PACS1: variants seen among roughly 807,000 people sequenced by gnomAD.
PACS1 encodes PACS-1.
A neutral mutation model predicts 115.0 loss-of-function variants in PACS1; 24 were observed. The ratio of observed to expected loss-of-function variants is 0.21; its 90% CI spans 0.15 to 0.29. The LOEUF is 0.29. PACS1 is among the 10% of genes least tolerant of loss of function. The pLI, the probability that PACS1 is intolerant of heterozygous loss-of-function variation, is 1.00. For synonymous variants in PACS1, 453 were observed against 504.5 expected (o/e 0.90, Z 1.37); for missense variants, 838 against 1,251.2 (o/e 0.67, Z 4.98).
intron 1 of PACS1, among the ~76,000 whole-genome samples, chr11:66,155,471 T>A (rs567651961): frequency 1.8e-4 from 27 of 152,256 alleles, no homozygotes; most frequent in African/African-American, 6.5e-4. Context: ...GATAAAACAG[T>A]GGCCAGGAGC....
chr11:66,173,696 C>T (rs186139093), intron 1 of PACS1, among the ~76,000 whole-genome samples: 41 of 151,626 alleles, frequency 2.7e-4, no homozygotes, highest in East Asian at 1.6e-3. Flanking sequence ...GGCGACAGAG[C>T]GAAACTCCAT....
At chr11:66,072,846 G>A (rs1401304495) in intron 1 of PACS1, among the ~76,000 whole-genome samples, 1 of 152,188 alleles carries the variant, frequency 6.6e-6, no homozygotes, top group Non-Finnish European at 1.5e-5. Context: ...GAAAAGGCGC[G>A]AGCCTACTGG....
chr11:66,126,455 T>G (rs1858573271), intron 1 of PACS1, among the ~76,000 whole-genome samples: 1 of 152,208 alleles, frequency 6.6e-6, no homozygotes, highest in South Asian at 2.1e-4. Flanking sequence ...TAGAATCAGC[T>G]ATTGAACTGG....
chr11:66,172,235 T>G (rs574181714), intron 1 of PACS1, among the ~76,000 whole-genome samples: 111 of 152,336 alleles, frequency 7.3e-4, no homozygotes, highest in Non-Finnish European at 1.3e-3. Flanking sequence ...TTAAGACACT[T>G]CATGAAATGT....
chr11:66,087,132 C>G (rs559745488), intron 1 of PACS1, among the ~76,000 whole-genome samples: 1 of 152,118 alleles, frequency 6.6e-6, no homozygotes, highest in African/African-American at 2.4e-5. Flanking sequence ...TACCACCCCT[C>G]CCACTCCACC....
chr11:66,120,170 CAG>C (rs1858406405), intron 1 of PACS1, among the ~76,000 whole-genome samples: 1 of 116,852 alleles, frequency 8.6e-6, no homozygotes, highest in East Asian at 2.6e-4. Context: ...TTTTTTGAGA[CAG>C]AGTCTCGCTC....
intron 1 of PACS1, among the ~76,000 whole-genome samples, chr11:66,078,934 G>A (rs1011272504): frequency 3.9e-5 from 6 of 152,158 alleles, no homozygotes; most frequent in African/African-American, 1.4e-4. Context: ...TTGAGACAGA[G>A]TCTTGCTCTC....
At chr11:66,229,211 C>CAAAA (rs386374029) in intron 11 of PACS1, among the ~76,000 whole-genome samples, 17 of 62,932 alleles carry the variant, frequency 2.7e-4, no homozygotes, top group East Asian at 4.9e-4. Flanking sequence ...CCCGTCTCTA[C>CAAAA]AAAAAAAAAA....
intron 2 of PACS1, among the ~76,000 whole-genome samples, chr11:66,197,708 C>T (rs1854680580): frequency 6.6e-6 from 1 of 152,154 alleles, no homozygotes; most frequent in Non-Finnish European, 1.5e-5. Context: ...AGGAGGATTG[C>T]CTAAGCCCAG....
rs374871647 is a variant in PACS1 at position 66,196,343 on chromosome 11, G to A, written c.444+2770G>A. Among the ~76,000 whole-genome samples the A allele has an allele frequency of 2.2e-4, 33 of 152,342 alleles. No homozygotes were observed. In the South Asian group the frequency reaches 6.8e-3, roughly 32 times the overall value. On this transcript the variant is annotated intron_variant, in intron 2 of 23. Coordinates refer to ENST00000320580, the MANE Select transcript of PACS1 (RefSeq NM_018026.4). ...TTTTTCATATTTTGTGTGATGAGAT[G>A]GGACGTGTACACTGAGCACTTCTGC...
rs1859654255 is a variant in PACS1 at position 66,168,315 on chromosome 11, T to C, written c.357-25171T>C. 2.0e-5 allele frequency among the ~76,000 whole-genome samples: 3 copies of C among 150,862 alleles called. 1 individual carries two copies. Among genetic ancestry groups the C allele is most frequent in the South Asian group, 4.1e-4 (2 of 4,828 alleles). ...TGGAGGAGAATCAACGTATCAATGC[T>C]AGAGTGTCTCTTGTGCATGAACATG... On this transcript the variant is annotated intron_variant, in intron 1 of 23. Coordinates refer to ENST00000320580, the MANE Select transcript of PACS1 (RefSeq NM_018026.4).
intron 17 of PACS1, 24 bp downstream of exon 17, chr11:66,234,266 T>C (rs372061012): frequency 9.8e-6 from 15 of 1,526,598 alleles, no homozygotes; most frequent in Non-Finnish European, 1.3e-5. Flanking sequence ...GTAAGGAGCT[T>C]ACTCCCACCC....
intron 17 of PACS1, among the ~76,000 whole-genome samples, 198 bp downstream of exon 17, chr11:66,234,440 A>G (rs955003589): frequency 2.0e-5 from 3 of 152,218 alleles, no homozygotes; most frequent in Non-Finnish European, 4.4e-5. Flanking sequence ...GCCAGTTTTC[A>G]TCCTCTGCTA....
intron 14 of PACS1, 148 bp downstream of exon 14, chr11:66,232,424 A>G: frequency 1.7e-6 from 1 of 576,818 alleles, no homozygotes. Context: ...TGAGCCCAGA[A>G]CTCTGAGTTC....
chr11:66,178,260 CTGT>C (rs1205268384), intron 1 of PACS1, among the ~76,000 whole-genome samples: 4 of 151,894 alleles, frequency 2.6e-5, no homozygotes, highest in Non-Finnish European at 5.9e-5. Flanking sequence ...ATCCTAAATT[CTGT>C]TGTTATCATT....
At chr11:66,149,442 T>C (rs1206482095) in intron 1 of PACS1, among the ~76,000 whole-genome samples, 1 of 152,122 alleles carries the variant, frequency 6.6e-6, no homozygotes, top group Non-Finnish European at 1.5e-5. Context: ...TCTCTGGCGA[T>C]TTATAGGATT....
Position 66,232,260 on chromosome 11 carries a change from C to T in PACS1, c.1715C>T (p.Thr572Ile). 6.2e-7 allele frequency: 1 copy of T among 1,609,390 alleles called. No homozygotes were observed. Among genetic ancestry groups the T allele is most frequent in the Non-Finnish European group, 8.5e-7 (1 of 1,175,702 alleles). Residue 572 changes from threonine to isoleucine, a missense_variant, in exon 14 of 24, where the codon ACT becomes ATT. Thr to Ile is a moderately conservative substitution (Grantham distance 89, BLOSUM62 -1). This residue lies in a region of PACS1 where 383 missense variants were observed against 537.0 expected (regional missense o/e 0.71). Transcript: ENST00000320580. ...GAAAATGTCATTCTGGTGAACACCA[C>T]TGACTGGCAGGGCCAGGTAAGTGCT... The part of the protein sequence containing the change: ...LPENVILVNT[T>I]DWQGQYVAEL...
chr11:66,157,151 G>C (rs762207618), intron 1 of PACS1, among the ~76,000 whole-genome samples: 1 of 152,094 alleles, frequency 6.6e-6, no homozygotes, highest in African/African-American at 2.4e-5. Flanking sequence ...GAGACTTTTA[G>C]AAAAGATGGA....
intron 3 of PACS1, 104 bp from the exon 4 acceptor site, chr11:66,211,030 A>C: frequency 1.5e-6 from 2 of 1,346,216 alleles, no homozygotes; most frequent in Non-Finnish European, 2.1e-6. Flanking sequence ...GCCCCCTTTT[A>C]GAGACAGGAA....
Sources: allele counts gnomAD v4.1 joint callset (sites outside exome capture counted in the v4.1 genomes callset), GRCh38; gene constraint gnomAD v4.1.1; regional missense constraint gnomAD v4.1.1; transcripts MANE v1.5; gene names NCBI Gene and HGNC (gene_info 2026-07-23, HGNC 2026-07-21).